The following PLGRKT variants were observed in gnomAD, a reference collection of about 807,000 sequenced individuals.
PLGRKT encodes plasminogen receptor (KT).
PLGRKT carries 22 observed loss-of-function variants against 18.5 expected under a neutral mutation model. The observed-to-expected ratio is 1.19, with a 90% confidence interval of 0.85 to 1.70. The LOEUF is 1.70. Ranked by LOEUF, PLGRKT falls within the 40% of genes most tolerant of loss-of-function variation. The pLI, the probability that PLGRKT is intolerant of heterozygous loss-of-function variation, is 0.00. For missense variants in PLGRKT, 235 were observed against 174.4 expected (o/e 1.35, Z -1.96); for synonymous variants, 72 against 52.8 (o/e 1.36, Z -1.58).
In PLGRKT at chr9:5,412,433, C is replaced by T. The variant is rs772577325; in HGVS notation, c.81+19464G>A. Among the ~76,000 whole-genome samples the T allele has an allele frequency of 2.6e-5, 4 of 152,320 alleles. No individual in the cohort carries two copies. In the East Asian group the frequency reaches 7.7e-4, roughly 29 times the overall value. On this transcript the variant is annotated intron_variant, in intron 3 of 5. Coordinates refer to ENST00000223864, the MANE Select transcript of PLGRKT (RefSeq NM_018465.4). ...CATGAATGAATAAATGCTGGCTCTGCCCTCATGAATAAATTAATGTCCCTA... is the reference window on the plus strand; with the variant it reads ...CATGAATGAATAAATGCTGGCTCTGTCCTCATGAATAAATTAATGTCCCTA...
chr9:5,397,546 A>T (rs1210234832), intron 3 of PLGRKT, among the ~76,000 whole-genome samples: 2 of 151,602 alleles, frequency 1.3e-5, no homozygotes, highest in East Asian at 3.9e-4. Flanking sequence ...GGAAGGAAGG[A>T]AGGAGGGAGG....
intron 3 of PLGRKT, among the ~76,000 whole-genome samples, chr9:5,389,443 G>A (rs957710101): frequency 5.9e-5 from 9 of 151,792 alleles, no homozygotes; most frequent in African/African-American, 1.9e-4. Context: ...AGCTGATAGT[G>A]CCAGGTCAGC....
chr9:5,373,059 T>A (rs1817553065), intron 3 of PLGRKT, among the ~76,000 whole-genome samples: 1 of 152,200 alleles, frequency 6.6e-6, no homozygotes, highest in Non-Finnish European at 1.5e-5. Flanking sequence ...GGACAGTGTA[T>A]CTGATTGCCA....
At chr9:5,377,969 TAA>T (rs1228647364) in intron 3 of PLGRKT, among the ~76,000 whole-genome samples, 1 of 152,046 alleles carries the variant, frequency 6.6e-6, no homozygotes, top group Non-Finnish European at 1.5e-5. Context: ...CGTCCCAGAG[TAA>T]ACCTTTGTTC....
chr9:5,435,472 G>C (rs1818942962), intron 2 of PLGRKT, among the ~76,000 whole-genome samples: 2 of 152,054 alleles, frequency 1.3e-5, no homozygotes, highest in South Asian at 2.1e-4. Context: ...TCCTCCTCCA[G>C]CTTCACTCTC....
rs111206550 is a variant in PLGRKT at position 5,424,058 on chromosome 9, T to C, written c.81+7839A>G. ...GTATATACCATATGCACACATCACA[T>C]TGCCCAGCTAATATATATGTATAAT... On this transcript the variant is annotated intron_variant, in intron 3 of 5. Coordinates refer to ENST00000223864, the MANE Select transcript of PLGRKT (RefSeq NM_018465.4). Among the ~76,000 whole-genome samples the C allele has an allele frequency of 2.1e-3, 307 of 145,080 alleles. 1 individual carries two copies. Among genetic ancestry groups the C allele is most frequent in the African/African-American group, 7.3e-3 (290 of 39,814 alleles).
At chr9:5,406,474 C>A (rs1313640111) in intron 3 of PLGRKT, among the ~76,000 whole-genome samples, 2 of 152,110 alleles carry the variant, frequency 1.3e-5, no homozygotes, top group Admixed American at 1.3e-4. Flanking sequence ...ATGGATGAAG[C>A]TGGAAGCCAT....
chr9:5,361,496 G>C (rs775798487), intron 4 of PLGRKT, among the ~76,000 whole-genome samples: 2 of 152,150 alleles, frequency 1.3e-5, no homozygotes, highest in Non-Finnish European at 2.9e-5. Context: ...TAAACACATA[G>C]AGCCCTTCTT....
chr9:5,431,582 C>A (rs13285144), intron 3 of PLGRKT, among the ~76,000 whole-genome samples: 4,772 of 150,118 alleles, frequency 0.032, 132 homozygotes, highest in Middle Eastern at 0.076. Context: ...ACAATGAGTC[C>A]ATCTGCATAA....
Position 5,430,650 on chromosome 9 carries a change from A to T in PLGRKT, c.81+1247T>A, listed in dbSNP as rs147370615. Among the ~76,000 whole-genome samples, 947 of 152,306 alleles carry T rather than the reference A, an allele frequency of 6.2e-3. 8 individuals are homozygous for T. Among genetic ancestry groups the T allele is most frequent in the African/African-American group, 0.022 (896 of 41,576 alleles). ...ATCAGGAGACTGAGGCACAAGTCAC[A>T]CAGTTAGTCAAGGGTGGGACTGGGA... On this transcript the variant is annotated intron_variant, in intron 3 of 5. Transcript: ENST00000223864.
chr9:5,424,720 C>CAGAGAG (rs1175731931), intron 3 of PLGRKT, among the ~76,000 whole-genome samples: 3 of 115,608 alleles, frequency 2.6e-5, no homozygotes, highest in Admixed American at 9.6e-5. Context: ...GAGGGAGAGA[C>CAGAGAG]AGAGAGAGAG....
In PLGRKT at chr9:5,431,954, A is replaced by T. The variant is rs1818835898; in HGVS notation, c.24T>A (p.Ser8=). The change falls in exon 3 of 6, where the codon TCT becomes TCA. Residue 8 remains serine, a synonymous_variant. Transcript: ENST00000223864. MGFIFSK[S]MNESMKNQKE... ...TTTGATTTTTCATGCTTTCATTCATAGATTTTGAAAATATAAACCCCATTT... is the reference window on the plus strand; with the variant it reads ...TTTGATTTTTCATGCTTTCATTCATTGATTTTGAAAATATAAACCCCATTT... The T allele has an allele frequency of 3.2e-6, 5 of 1,539,484 alleles. No individual in the cohort carries two copies. The highest frequency in any genetic ancestry group is 2.2e-5 in the East Asian group (1 of 44,494).
intron 3 of PLGRKT, among the ~76,000 whole-genome samples, chr9:5,367,887 A>T (rs1177899580): frequency 2.6e-5 from 4 of 152,152 alleles, no homozygotes; most frequent in Non-Finnish European, 4.4e-5. Flanking sequence ...TAAACAACTC[A>T]ATAAGCAAAA....
intron 3 of PLGRKT, among the ~76,000 whole-genome samples, chr9:5,420,722 C>A (rs1380381992): frequency 1.3e-5 from 2 of 152,190 alleles, no homozygotes; most frequent in Non-Finnish European, 2.9e-5. Flanking sequence ...TTCTTCTCCT[C>A]CACCTACTCT....
At chr9:5,368,292 C>T (rs1339833133) in intron 3 of PLGRKT, among the ~76,000 whole-genome samples, 3 of 152,110 alleles carry the variant, frequency 2.0e-5, no homozygotes, top group South Asian at 2.1e-4. Context: ...ATATTTTCAT[C>T]GCAGCACTAT....
chr9:5,428,280 A>T lies in PLGRKT; in HGVS notation c.81+3617T>A, dbSNP rs147388027. Among the ~76,000 whole-genome samples the T allele has an allele frequency of 3.1e-3, 474 of 152,220 alleles. 1 individual carries two copies. Among genetic ancestry groups the T allele is most frequent in the African/African-American group, 0.011 (446 of 41,536 alleles). ...AGTGGCTCTCTCCCTCCAGTCCCCAATCCTCCCCTGCCTCTCCTCCAACTC... is the reference window on the plus strand; with the variant it reads ...AGTGGCTCTCTCCCTCCAGTCCCCATTCCTCCCCTGCCTCTCCTCCAACTC... On this transcript the variant is annotated intron_variant, in intron 3 of 5. Transcript: ENST00000223864.
chr9:5,371,631 CA>C (rs1221042250), intron 3 of PLGRKT, among the ~76,000 whole-genome samples: 1 of 152,126 alleles, frequency 6.6e-6, no homozygotes, highest in Admixed American at 6.5e-5. Context: ...GTGAAATCAG[CA>C]GCGTGAAAAT....
At chr9:5,402,110 T>C (rs940029434) in intron 3 of PLGRKT, among the ~76,000 whole-genome samples, 5 of 152,016 alleles carry the variant, frequency 3.3e-5, no homozygotes, top group Non-Finnish European at 5.9e-5. Context: ...ACTTTAAATG[T>C]ACATTTTTAG....
At chr9:5,361,997 G>A (rs1817278231) in intron 3 of PLGRKT, 109 bp from the exon 4 acceptor site, 3 of 1,090,746 alleles carry the variant, frequency 2.8e-6, no homozygotes, top group Non-Finnish European at 4.0e-6. Context: ...TTTAATTCAT[G>A]TTTTTTCAAA....
Sources: allele counts gnomAD v4.1 joint callset (sites outside exome capture counted in the v4.1 genomes callset), GRCh38; gene constraint gnomAD v4.1.1; transcripts MANE v1.5; gene names NCBI Gene and HGNC (gene_info 2026-07-23, HGNC 2026-07-21).